The following KAT6B variants were observed in gnomAD, a reference collection of about 807,000 sequenced individuals.
KAT6B encodes the protein lysine acetyltransferase 6B, also known as histone acetyltransferase KAT6B.
In KAT6B, 10 loss-of-function variants were observed where a neutral mutation model predicts 187.5. The ratio of observed to expected loss-of-function variants is 0.05; its 90% CI spans 0.03 to 0.09. The LOEUF (loss-of-function observed/expected upper bound fraction) is 0.09, where lower values mean the gene tolerates loss of function less well. Ranked by LOEUF, KAT6B falls within the 10% of genes least tolerant of loss-of-function variation. The pLI is 1.00. For synonymous variants in KAT6B, 861 were observed against 926.8 expected, an observed-to-expected ratio of 0.93 and a Z score of 1.29; for missense variants, 1,952 against 2,558.9, an observed-to-expected ratio of 0.76 and a Z score of 5.12.
At chr10:74,835,226 G>A (rs1006382553) in intron 1 of KAT6B, among the ~76,000 whole-genome samples, 2 of 152,156 alleles carry the variant, frequency 1.3e-5, no homozygotes, top group East Asian at 1.9e-4. Flanking sequence ...TTGAATTTGG[G>A]CAGAGGGACG....
intron 3 of KAT6B, among the ~76,000 whole-genome samples, chr10:74,847,951 T>A (rs1842225532): frequency 6.7e-6 from 1 of 149,398 alleles, no homozygotes; most frequent in African/African-American, 2.5e-5. Flanking sequence ...ATAGTTTCAC[T>A]CTTGTCACCC....
intron 4 of KAT6B, 64 bp downstream of exon 4, chr10:74,960,142 G>A: frequency 6.8e-6 from 7 of 1,023,180 alleles, no homozygotes; most frequent in Non-Finnish European, 1.1e-5. Context: ...CATGCTATTT[G>A]TCTCTCTATT....
chr10:74,914,974 C>G (rs1191766993), intron 3 of KAT6B, among the ~76,000 whole-genome samples: 1 of 152,078 alleles, frequency 6.6e-6, no homozygotes, highest in Non-Finnish European at 1.5e-5. Context: ...GTGGCCCACA[C>G]TTGTAGTCCC....
chr10:74,964,913 G>A (rs1317730343), intron 4 of KAT6B, among the ~76,000 whole-genome samples: 1 of 151,988 alleles, frequency 6.6e-6, no homozygotes, highest in African/African-American at 2.4e-5. Context: ...TAAATTTATC[G>A]ATGCATCCCC....
intron 13 of KAT6B, among the ~76,000 whole-genome samples, chr10:75,001,506 TC>T (rs1273442421): frequency 6.6e-6 from 1 of 152,178 alleles, no homozygotes; most frequent in African/African-American, 2.4e-5. Flanking sequence ...AGCTGCTTCT[TC>T]CCAGAATCTT....
At chr10:74,924,850 C>T (rs1019693473) in intron 3 of KAT6B, among the ~76,000 whole-genome samples, 4 of 151,820 alleles carry the variant, frequency 2.6e-5, no homozygotes, top group Admixed American at 6.6e-5. Context: ...TCCTACTGCT[C>T]GGTGATGAAA....
chr10:75,010,500 A>T (rs1564619637), intron 13 of KAT6B, among the ~76,000 whole-genome samples: 2 of 152,226 alleles, frequency 1.3e-5, no homozygotes, highest in African/African-American at 4.8e-5. Flanking sequence ...GTGAAAGCTC[A>T]TCATCCAGAA....
rs561260770 is a variant in KAT6B, at chr10:75,000,444, C to T, written c.2629+11332C>T. Among the ~76,000 whole-genome samples the T allele has an allele frequency of 2.0e-5, 3 of 152,144 alleles. No homozygotes were observed. In the East Asian group the frequency reaches 5.8e-4, roughly 29 times the overall value. On this transcript the variant is annotated intron_variant, in intron 13 of 17. Transcript: ENST00000287239. ...TCTCTCCTAACTAAAATACTTAAAC[C>T]TACTAACTAGAACTATAAGGGTTCT...
chr10:74,853,265 G>C (rs559499408), intron 3 of KAT6B, among the ~76,000 whole-genome samples: 2 of 151,132 alleles, frequency 1.3e-5, no homozygotes, highest in African/African-American at 4.9e-5. Flanking sequence ...GGGACTACAG[G>C]TGTGCACCAC....
At chr10:74,932,000 C>A (rs1848917123) in intron 3 of KAT6B, among the ~76,000 whole-genome samples, 1 of 152,228 alleles carries the variant, frequency 6.6e-6, no homozygotes. Context: ...GCGTGAGCCA[C>A]CACGCCCGGC....
intron 3 of KAT6B, among the ~76,000 whole-genome samples, chr10:74,854,023 T>C (rs1232968371): frequency 6.6e-6 from 1 of 152,218 alleles, no homozygotes; most frequent in Non-Finnish European, 1.5e-5. Context: ...CCCTGTGCCT[T>C]AAACTACAGT....
chr10:74,878,478 G>A (rs573477490), intron 3 of KAT6B, among the ~76,000 whole-genome samples: 1 of 151,856 alleles, frequency 6.6e-6, no homozygotes. Flanking sequence ...AAATTAGCCG[G>A]GTATGGTAGC....
At chr10:74,874,733 A>T (rs1844278059) in intron 3 of KAT6B, among the ~76,000 whole-genome samples, 1 of 152,082 alleles carries the variant, frequency 6.6e-6, no homozygotes, top group African/African-American at 2.4e-5. Context: ...CCATTAGCAA[A>T]TATTGAGTAC....
At chr10:74,986,339 A>G (rs1181860781) in intron 12 of KAT6B, among the ~76,000 whole-genome samples, 2 of 152,252 alleles carry the variant, frequency 1.3e-5, no homozygotes, top group Non-Finnish European at 2.9e-5. Flanking sequence ...GACAATAATT[A>G]TGAGACTTTT....
At chr10:74,935,798 C>T (rs1849226987) in intron 3 of KAT6B, among the ~76,000 whole-genome samples, 1 of 152,140 alleles carries the variant, frequency 6.6e-6, no homozygotes, top group Non-Finnish European at 1.5e-5. Context: ...CACTTGCATG[C>T]TTTTGAGTGA....
intron 3 of KAT6B, among the ~76,000 whole-genome samples, chr10:74,958,337 G>C (rs1840835245): frequency 6.6e-6 from 1 of 152,178 alleles, no homozygotes; most frequent in South Asian, 2.1e-4. Context: ...TTTATTCTAT[G>C]CTGATGTATA....
intron 3 of KAT6B, among the ~76,000 whole-genome samples, chr10:74,904,390 C>G: frequency 6.6e-6 from 1 of 151,864 alleles, no homozygotes; most frequent in Admixed American, 6.6e-5. Flanking sequence ...AGACTGAGGT[C>G]CTCTTCTCCC....
chr10:74,951,627 AT>A (rs760731562), intron 3 of KAT6B, among the ~76,000 whole-genome samples: 89 of 152,276 alleles, frequency 5.8e-4, no homozygotes, highest in Non-Finnish European at 1.0e-3. Context: ...TGGGCAGATA[AT>A]TTTCCTCCCA....
At chr10:74,934,516 G>C (rs1457954012) in intron 3 of KAT6B, among the ~76,000 whole-genome samples, 3 of 151,986 alleles carry the variant, frequency 2.0e-5, no homozygotes, top group East Asian at 1.9e-4. Flanking sequence ...CTTTACAGTG[G>C]CTTCTCATTT....
Sources: allele counts gnomAD v4.1 joint callset (sites outside exome capture counted in the v4.1 genomes callset), GRCh38; gene constraint gnomAD v4.1.1; transcripts MANE v1.5; gene names NCBI Gene and HGNC (gene_info 2026-07-23, HGNC 2026-07-21).